ASAH2: variants seen among roughly 807,000 people sequenced by gnomAD.
ASAH2 encodes the protein neutral ceramidase.
In ASAH2, 58 loss-of-function variants were observed where a neutral mutation model predicts 82.9. That is an observed-to-expected ratio of 0.70 (90% CI 0.57 to 0.87). ASAH2 has a LOEUF of 0.87. Ranked by LOEUF, ASAH2 falls within the 40% of genes least tolerant of loss-of-function variation. The probability of loss-of-function intolerance (pLI) is 0.00; values close to 1 mark genes in which losing one functional copy is unlikely to be tolerated. For missense variants in ASAH2, 779 were observed against 834.0 expected (o/e 0.93, Z 0.81); for synonymous variants, 276 against 289.7 (o/e 0.95, Z 0.48).
rs1250773522 is a variant in ASAH2, at chr10:50,214,013, G to A, written c.1140+730C>T. On this transcript the variant is annotated intron_variant, in intron 9 of 20. Transcript: ENST00000682911. ...AAACAAAGCTAAATGAACATTGTGG[G>A]AGTTAAATAAATGATGGTATAGCCT... Among the ~76,000 whole-genome samples the A allele has an allele frequency of 2.0e-5, 3 of 152,098 alleles. No homozygotes were observed. The East Asian group carries it at 5.8e-4, about 29-fold the overall frequency.
intron 10 of ASAH2, among the ~76,000 whole-genome samples, chr10:50,212,182 A>AGCACACACAC (rs1845471880): frequency 6.8e-6 from 1 of 146,922 alleles, no homozygotes; most frequent in Non-Finnish European, 1.5e-5. Context: ...AAACTATTTA[A>AGCACACACAC]ACACACACAC....
Position 50,229,654 on chromosome 10 carries a change from C to T in ASAH2, c.893+3530G>A, listed in dbSNP as rs930919227. 4.6e-5 allele frequency among the ~76,000 whole-genome samples: 7 copies of T among 152,220 alleles called. No individual in the cohort carries two copies. In the East Asian group the frequency reaches 1.4e-3, roughly 29 times the overall value. On this transcript the variant is annotated intron_variant, in intron 7 of 20. Coordinates refer to ENST00000682911, the MANE Select transcript of ASAH2 (RefSeq NM_019893.4). Reference sequence around the variant, plus strand: ...CTCTATTTCTTACTTTGTCTTGCAACACCCTGCCCTGTTGACCTCTGCACT... The same window carrying T: ...CTCTATTTCTTACTTTGTCTTGCAATACCCTGCCCTGTTGACCTCTGCACT...
At chr10:50,198,218 T>G (rs1467424198) in intron 17 of ASAH2, 1 of 151,962 alleles carries the variant, frequency 6.6e-6, no homozygotes, top group Non-Finnish European at 1.5e-5. Flanking sequence ...CACAATTGTT[T>G]CACATTTTTT....
intron 7 of ASAH2, among the ~76,000 whole-genome samples, chr10:50,231,450 CA>C (rs1697986496): frequency 6.6e-6 from 1 of 152,156 alleles, no homozygotes; most frequent in South Asian, 2.1e-4. Context: ...CAAACTCCCA[CA>C]GCATTATTTA....
Position 50,201,741 on chromosome 10 carries a change from C to A in ASAH2, c.1761+1088G>T, listed in dbSNP as rs1006182788. On this transcript the variant is annotated intron_variant, in intron 16 of 20. Transcript: ENST00000682911. ...AATACATGGAATTGACAAAGGAAAC[C>A]AGTTAGGTTGAAATATATTTACCAT... Among the ~76,000 whole-genome samples the A allele has an allele frequency of 5.3e-5, 8 of 152,132 alleles. No individual in the cohort carries two copies. In the East Asian group the frequency reaches 1.6e-3, roughly 30 times the overall value.
intron 7 of ASAH2, among the ~76,000 whole-genome samples, chr10:50,232,862 G>A (rs1226597553): frequency 6.6e-6 from 1 of 152,120 alleles, no homozygotes; most frequent in African/African-American, 2.4e-5. Flanking sequence ...CCACATGTGA[G>A]ATCTTGATAA....
intron 8 of ASAH2, among the ~76,000 whole-genome samples, chr10:50,216,021 C>T (rs1026364975): frequency 1.8e-4 from 28 of 151,992 alleles, no homozygotes; most frequent in Non-Finnish European, 2.1e-4. Flanking sequence ...GGGACATGGA[C>T]GAAGCTGGAA....
chr10:50,237,695 C>G (rs201283805), intron 4 of ASAH2, among the ~76,000 whole-genome samples: 51,456 of 152,132 alleles, frequency 0.34, 10,642 homozygotes, highest in Non-Finnish European at 0.45. Flanking sequence ...AAACACCAGA[C>G]AGAATACTGG....
At position 50,199,081 on chromosome 10, in the gene ASAH2, G is replaced by A. The variant is rs1338797183; in HGVS notation, c.1827C>T (p.Leu609=). Residue 609 remains leucine, a synonymous_variant, in exon 17 of 21, where the codon CTC becomes CTT. Coordinates refer to ENST00000682911, the MANE Select transcript of ASAH2 (RefSeq NM_019893.4). ...GPHTLSAYIQ[L]FRNLAKAIAT... ...CAATAGCCTTAGCAAGGTTTCTGAA[G>A]AGCTGAATGTAAGCAGATAATGTGT... is the stretch of plus-strand genomic sequence containing the variant. 3.1e-6 allele frequency: 5 copies of A among 1,613,314 alleles called. No homozygotes were observed. Among genetic ancestry groups the A allele is most frequent in the Non-Finnish European group, 4.2e-6 (5 of 1,179,508 alleles).
intron 17 of ASAH2, among the ~76,000 whole-genome samples, chr10:50,197,929 G>T (rs1274405700): frequency 1.3e-5 from 2 of 151,146 alleles, no homozygotes; most frequent in African/African-American, 4.9e-5. Flanking sequence ...TTTTATAATA[G>T]AAATAAATAA....
At position 50,248,549 on chromosome 10, in the gene ASAH2, CTCA is replaced by C. The variant is rs1846532539; in HGVS notation, c.59_61del (p.Met20del). On this transcript the variant is annotated inframe_deletion, in exon 2 of 21. Transcript: ENST00000682911. ...GCTGAGAAGGGCCACTGTGATGGCA[CTCA>C]TCATTACAAGGAGGAAAATCAGGAA... 1.9e-6 allele frequency: 3 copies of C among 1,613,456 alleles called. No homozygotes were observed. The highest frequency in any genetic ancestry group is 2.5e-6 in the Non-Finnish European group (3 of 1,179,552).
intron 16 of ASAH2, among the ~76,000 whole-genome samples, chr10:50,201,198 G>A (rs912797870): frequency 7.9e-5 from 12 of 152,102 alleles, no homozygotes; most frequent in African/African-American, 2.9e-4. Context: ...CCCACGGAGA[G>A]CTACCTCTAC....
At chr10:50,193,116 T>C (rs1439812687) in intron 18 of ASAH2, among the ~76,000 whole-genome samples, 1 of 122,310 alleles carries the variant, frequency 8.2e-6, no homozygotes, top group Non-Finnish European at 1.7e-5. Context: ...CTTTTATTTT[T>C]ATAAGAGATG....
In ASAH2 at chr10:50,204,918, T is replaced by C; in HGVS notation, c.1568A>G (p.Asp523Gly). Residue 523 changes from aspartate to glycine, a missense_variant, in exon 14 of 21, where the codon GAT becomes GGT. Physicochemically the swap from Asp to Gly is moderately conservative, Grantham distance 94 (BLOSUM62 -1). Transcript: ENST00000682911. The part of the protein sequence containing the change: ...KPHPWHPDIV[D>G]VQIITLGSLA... ...GGACCCAAGGGTAATAATCTGAACA[T>C]CAACAATGTCTGGATGCCAGGGGTG... 1 of 1,611,466 alleles carries C rather than the reference T, an allele frequency of 6.2e-7. No individual in the cohort carries two copies. Among genetic ancestry groups the C allele is most frequent in the South Asian group, 1.1e-5 (1 of 90,722 alleles).
At chr10:50,245,071 A>G in intron 3 of ASAH2, 151 bp downstream of exon 3, 1 of 729,908 alleles carries the variant, frequency 1.4e-6, no homozygotes, top group East Asian at 2.5e-5. Context: ...TCCTTCTAGT[A>G]TGAAATTCAT....
chr10:50,208,285 T>C (rs1845358049), intron 12 of ASAH2, among the ~76,000 whole-genome samples: 2 of 152,010 alleles, frequency 1.3e-5, no homozygotes, highest in African/African-American at 2.4e-5. Flanking sequence ...TTCAACATTG[T>C]TCTGAAGGTT....
At chr10:50,247,711 A>T (rs1400001286) in intron 2 of ASAH2, among the ~76,000 whole-genome samples, 1 of 152,132 alleles carries the variant, frequency 6.6e-6, no homozygotes, top group Non-Finnish European at 1.5e-5. Flanking sequence ...AATCTTTACC[A>T]GTCTTCTCTA....
chr10:50,196,375 C>G (rs1844983310), intron 18 of ASAH2, among the ~76,000 whole-genome samples: 1 of 151,562 alleles, frequency 6.6e-6, no homozygotes, highest in Non-Finnish European at 1.5e-5. Context: ...TTACTCATCC[C>G]TCCTCCCCCC....
In ASAH2 at chr10:50,197,723, T is replaced by C. The variant is rs1341217580; in HGVS notation, c.1858-804A>G. 2.2e-4 allele frequency among the ~76,000 whole-genome samples: 34 copies of C among 152,048 alleles called. No individual in the cohort carries two copies. In the South Asian group the frequency reaches 6.8e-3, roughly 31 times the overall value. On this transcript the variant is annotated intron_variant, in intron 17 of 20. Transcript: ENST00000682911. Reference sequence around the variant, plus strand: ...TAGTTTTAAGGTGCTTGACCAGAAATTTGACTGTAAAACAAATTTCCACCA... The same window carrying C: ...TAGTTTTAAGGTGCTTGACCAGAAACTTGACTGTAAAACAAATTTCCACCA...
Sources: gnomAD v4.1 joint callset for allele counts (sites outside exome capture counted in the v4.1 genomes callset) on GRCh38, gnomAD v4.1.1 for gene constraint, MANE v1.5 for transcripts, NCBI Gene and HGNC (gene_info 2026-07-23, HGNC 2026-07-21) for gene names.